PCDHGA1: variants seen among roughly 807,000 people sequenced by gnomAD.
PCDHGA1 encodes the protein protocadherin gamma-A1.
Under a neutral mutation model 58.0 loss-of-function variants are expected in PCDHGA1, and 32 were observed. The ratio of observed to expected loss-of-function variants is 0.55; its 90% CI spans 0.42 to 0.74. PCDHGA1 has a LOEUF of 0.74. PCDHGA1 is among the 30% of genes least tolerant of loss of function. The pLI is 0.00. For synonymous variants in PCDHGA1, 498 were observed against 501.1 expected, an observed-to-expected ratio of 0.99 and a Z score of 0.08; for missense variants, 1,205 against 1,182.3, an observed-to-expected ratio of 1.02 and a Z score of -0.28.
chr5:141,455,897 T>C (rs1330516646), intron 1 of PCDHGA1, among the ~76,000 whole-genome samples: 1 of 149,800 alleles, frequency 6.7e-6, no homozygotes, highest in African/African-American at 2.4e-5. Flanking sequence ...ATTTATTTAT[T>C]TATTTATTTA....
At position 141,429,387 on chromosome 5, in the gene PCDHGA1, TAAAAA is replaced by T. The variant is rs11410533; in HGVS notation, c.2422-65416_2422-65412del. On this transcript the variant is annotated intron_variant, in intron 1 of 3. Transcript: ENST00000517417. ...AAATGGAGAAAATGTGTTTTTTTTT[TAAAAA>T]AAATTGAGATTAAGGTCTCATTATG... 8.8e-4 allele frequency among the ~76,000 whole-genome samples: 134 copies of T among 151,448 alleles called. 1 individual carries two copies. Among genetic ancestry groups the T allele is most frequent in the Non-Finnish European group, 1.5e-3 (103 of 67,818 alleles).
chr5:141,362,619 G>A, intron 1 of PCDHGA1: 1 of 1,526,806 alleles, frequency 6.5e-7, no homozygotes, highest in Non-Finnish European at 8.8e-7. Flanking sequence ...TGGGTAGGAA[G>A]TTCCACTGCG....
chr5:141,420,458 C>A, intron 1 of PCDHGA1: 3 of 925,194 alleles, frequency 3.2e-6, no homozygotes, highest in Non-Finnish European at 2.9e-6. Context: ...TCCTACTATT[C>A]AAAGACATTT....
At chr5:141,480,702 C>T (rs1455955207) in intron 1 of PCDHGA1, among the ~76,000 whole-genome samples, 1 of 152,170 alleles carries the variant, frequency 6.6e-6, no homozygotes, top group African/African-American at 2.4e-5. Context: ...AGGCCACACC[C>T]CGACAAATGA....
chr5:141,395,086 C>A, intron 1 of PCDHGA1: 1 of 1,614,166 alleles, frequency 6.2e-7, no homozygotes, highest in Non-Finnish European at 8.5e-7. Context: ...CAGGAAGTCT[C>A]CCTCACCGCC....
chr5:141,491,022 C>T lies in PCDHGA1; in HGVS notation c.2422-3785C>T, dbSNP rs1431293281. 6.8e-6 allele frequency: 11 copies of T among 1,614,116 alleles called. No homozygotes were observed. Among genetic ancestry groups the T allele is most frequent in the East Asian group, 2.2e-5 (1 of 44,886 alleles). On this transcript the variant is annotated intron_variant, in intron 1 of 3. Coordinates refer to ENST00000517417, the MANE Select transcript of PCDHGA1 (RefSeq NM_018912.3). The surrounding 1 kb of genome is among the most constrained non-coding windows in gnomAD (Gnocchi z 6.9). ...GCTCCTTGGTCACCAAGGTGACAGCCGTGGATGCTGATGCAGGCCACAATG... is the reference window on the plus strand; with the variant it reads ...GCTCCTTGGTCACCAAGGTGACAGCTGTGGATGCTGATGCAGGCCACAATG...
chr5:141,353,305 GTATT>G (rs1179034310), intron 1 of PCDHGA1, among the ~76,000 whole-genome samples: 1 of 152,084 alleles, frequency 6.6e-6, no homozygotes, highest in Admixed American at 6.5e-5. Context: ...CTTTATAAAT[GTATT>G]TAGAGTTCTT....
chr5:141,431,401 C>T lies in PCDHGA1; in HGVS notation c.2422-63406C>T. ...CTGCTCACCACCTGGTCCTTACGGC[C>T]TCCGACGGGGGCGACCCGGTGCGCA... On this transcript the variant is annotated intron_variant, in intron 1 of 3. Transcript: ENST00000517417. The surrounding 1 kb of genome is among the most constrained non-coding windows in gnomAD (Gnocchi z 4.8). 2 of 1,613,800 alleles carry T rather than the reference C, an allele frequency of 1.2e-6. No homozygotes were observed. Among genetic ancestry groups the T allele is most frequent in the Admixed American group, 1.7e-5 (1 of 60,036 alleles).
At chr5:141,472,745 G>A (rs931198460) in intron 1 of PCDHGA1, among the ~76,000 whole-genome samples, 4 of 152,038 alleles carry the variant, frequency 2.6e-5, no homozygotes, top group African/African-American at 9.7e-5. Flanking sequence ...CAGCACTTTG[G>A]GAGGCGGAGG....
Position 141,483,648 on chromosome 5 carries a change from T to TTGTG in PCDHGA1, c.2422-11141_2422-11138dup, listed in dbSNP as rs111458813. ...GGAGAAGGTATAGAGGGGTGTGTGTTTGTGTGTGTGTGTGTGTGTGTAAAA... is the reference window on the plus strand; with the variant it reads ...GGAGAAGGTATAGAGGGGTGTGTGTTTGTGTGTGTGTGTGTGTGTGTGTGTAAAA... On this transcript the variant is annotated intron_variant, in intron 1 of 3. Coordinates refer to ENST00000517417, the MANE Select transcript of PCDHGA1 (RefSeq NM_018912.3). Among the ~76,000 whole-genome samples, 501 of 149,686 alleles carry TTGTG rather than the reference T, an allele frequency of 3.3e-3. 2 individuals are homozygous for TTGTG. Among genetic ancestry groups the TTGTG allele is most frequent in the African/African-American group, 7.3e-3 (297 of 40,842 alleles).
At chr5:141,425,258 G>T (rs965944291) in intron 1 of PCDHGA1, among the ~76,000 whole-genome samples, 2 of 152,134 alleles carry the variant, frequency 1.3e-5, no homozygotes, top group Non-Finnish European at 2.9e-5. Context: ...GAGGTATTTG[G>T]CTGGGAAAAG....
At position 141,389,700 on chromosome 5, in the gene PCDHGA1, G is replaced by A. The variant is rs534784537; in HGVS notation, c.2421+56595G>A. On this transcript the variant is annotated intron_variant, in intron 1 of 3. Coordinates refer to ENST00000517417, the MANE Select transcript of PCDHGA1 (RefSeq NM_018912.3). ...ACACAACGCCTGGCTGTCCTACCAC[G>A]TGCTGCAGGCTAGCGAGCCCGGGCT... 11 of 1,612,578 alleles carry A rather than the reference G, an allele frequency of 6.8e-6. No homozygotes were observed. The South Asian group carries it at 1.1e-4, about 16-fold the overall frequency.
intron 2 of PCDHGA1, among the ~76,000 whole-genome samples, chr5:141,503,797 G>A (rs2099831309): frequency 6.6e-6 from 1 of 152,006 alleles, no homozygotes; most frequent in South Asian, 2.1e-4. Context: ...ATCTACTTAG[G>A]GACGGGGAAT....
intron 1 of PCDHGA1, chr5:141,419,364 C>T (rs1360235541): frequency 1.1e-5 from 18 of 1,613,690 alleles, no homozygotes; most frequent in Non-Finnish European, 1.3e-5. Flanking sequence ...CGAACGCTGT[C>T]GTCCTACGTG....
At chr5:141,390,285 A>T (rs1428739924) in intron 1 of PCDHGA1, 1 of 1,613,968 alleles carries the variant, frequency 6.2e-7, no homozygotes, top group Non-Finnish European at 8.5e-7. Flanking sequence ...CCATCAGGTG[A>T]GTTTCCTTTA....
At position 141,476,001 on chromosome 5, in the gene PCDHGA1, C is replaced by A. The variant is rs989369008; in HGVS notation, c.2422-18806C>A. On this transcript the variant is annotated intron_variant, in intron 1 of 3. Coordinates refer to ENST00000517417, the MANE Select transcript of PCDHGA1 (RefSeq NM_018912.3). This position sits in a 1 kb window ranked among gnomAD's most constrained non-coding sequence, Gnocchi z 7.6. ...CAGCCGGCGAGCAAATCAACGGCAT[C>A]CAGAAAGCCATGTCGGACTCGGCGC... The A allele has an allele frequency of 5.7e-5, 70 of 1,235,226 alleles. No homozygotes were observed. In the Middle Eastern group the frequency reaches 8.6e-4, roughly 15 times the overall value. The allele number at this position is 1,235,226 out of a possible 1,614,324, so 76.5% of individuals were successfully genotyped here. A position where few individuals can be genotyped will look rare whatever the true frequency, so the allele number is the denominator to read the frequency against.
At chr5:141,386,329 GA>G (rs1445155662) in intron 1 of PCDHGA1, among the ~76,000 whole-genome samples, 4 of 152,150 alleles carry the variant, frequency 2.6e-5, no homozygotes, top group Non-Finnish European at 4.4e-5. Context: ...TTGTCATCCA[GA>G]AGGGGTGGAT....
chr5:141,507,525 A>T (rs1053801558), intron 3 of PCDHGA1, among the ~76,000 whole-genome samples: 1 of 152,000 alleles, frequency 6.6e-6, no homozygotes, highest in Non-Finnish European at 1.5e-5. Context: ...ATGATTCCAG[A>T]GAGGCCAGAG....
chr5:141,363,169 T>A (rs2149843303), intron 1 of PCDHGA1, among the ~76,000 whole-genome samples: 1 of 152,382 alleles, frequency 6.6e-6, no homozygotes, highest in Admixed American at 6.5e-5. Context: ...TTCTCTAACA[T>A]GCATTTTAAC....
Sources: gnomAD v4.1 joint callset for allele counts (sites outside exome capture counted in the v4.1 genomes callset) on GRCh38, gnomAD v4.1.1 for gene constraint, Gnocchi (gnomAD v3.1) non-coding constraint, MANE v1.5 for transcripts, NCBI Gene and HGNC (gene_info 2026-07-23, HGNC 2026-07-21) for gene names.